ELAVL2: variants seen among roughly 807,000 people sequenced by gnomAD.
ELAVL2 encodes ELAV-like protein 2.
Under a neutral mutation model 34.6 loss-of-function variants are expected in ELAVL2, and 4 were observed. That is an observed-to-expected ratio of 0.12 (90% CI 0.06 to 0.26). The LOEUF is 0.26. Among genes scored for constraint, ELAVL2 ranks in the 10% least tolerant of loss-of-function variants. The pLI, the probability that ELAVL2 is intolerant of heterozygous loss-of-function variation, is 1.00. For missense variants in ELAVL2, 432 were observed against 442.8 expected (o/e 0.98, Z 0.22); for synonymous variants, 193 against 154.8 (o/e 1.25, Z -1.83).
At chr9:23,715,465 T>C (rs1587593371) in intron 3 of ELAVL2, among the ~76,000 whole-genome samples, 1 of 152,226 alleles carries the variant, frequency 6.6e-6, no homozygotes, top group Non-Finnish European at 1.5e-5. Flanking sequence ...TGTTCTGAAG[T>C]ACCTCTCAAG....
upstream of ELAVL2, chr9:23,826,419 T>C (rs1180928765): frequency 6.6e-6 from 1 of 152,350 alleles, no homozygotes; most frequent in Admixed American, 6.5e-5. Flanking sequence ...TCCTGATTGG[T>C]CCACACGCTT....
intron 3 of ELAVL2, among the ~76,000 whole-genome samples, chr9:23,710,988 T>C (rs1051909263): frequency 6.6e-6 from 1 of 152,146 alleles, no homozygotes; most frequent in African/African-American, 2.4e-5. Context: ...GATCTGCTTC[T>C]AAATTCAAAC....
intron 1 of ELAVL2, among the ~76,000 whole-genome samples, chr9:23,808,304 T>G (rs563376208): frequency 5.3e-5 from 8 of 152,232 alleles, no homozygotes; most frequent in African/African-American, 1.9e-4. Flanking sequence ...TAACATAATA[T>G]CTCCTCCAAT....
At chr9:23,839,675 T>C in the ELAVL2 span, among the ~76,000 whole-genome samples, 1 of 152,198 alleles carries the variant, frequency 6.6e-6, no homozygotes, top group South Asian at 2.1e-4. Flanking sequence ...AATCATGCTC[T>C]TCTGTCTCAT....
intron 3 of ELAVL2, among the ~76,000 whole-genome samples, chr9:23,724,210 C>T (rs979510964): frequency 6.6e-6 from 1 of 152,204 alleles, no homozygotes; most frequent in South Asian, 2.1e-4. Flanking sequence ...TCTACCATCA[C>T]TATCCACTGT....
At chr9:23,846,502 C>T in the ELAVL2 span, among the ~76,000 whole-genome samples, 1 of 152,052 alleles carries the variant, frequency 6.6e-6, no homozygotes, top group Middle Eastern at 3.4e-3. Context: ...TAAAATCACT[C>T]TGCTTATTTA....
At chr9:23,764,288 T>C (rs1306263704) in intron 1 of ELAVL2, among the ~76,000 whole-genome samples, 1 of 152,146 alleles carries the variant, frequency 6.6e-6, no homozygotes, top group African/African-American at 2.4e-5. Flanking sequence ...ATACAAAGTG[T>C]TCATTGACTG....
chr9:23,804,033 T>C (rs1344937233), intron 1 of ELAVL2, among the ~76,000 whole-genome samples: 1 of 152,168 alleles, frequency 6.6e-6, no homozygotes, highest in Non-Finnish European at 1.5e-5. Context: ...TCTATTAAAA[T>C]GCTCTGAAAA....
chr9:23,819,376 C>T (rs2064197494), intron 1 of ELAVL2, among the ~76,000 whole-genome samples: 1 of 152,108 alleles, frequency 6.6e-6, no homozygotes, highest in African/African-American at 2.4e-5. Context: ...TATAAAAACA[C>T]ATCTTAGGCC....
intron 1 of ELAVL2, among the ~76,000 whole-genome samples, chr9:23,806,920 T>C (rs532441945): frequency 6.6e-6 from 1 of 152,272 alleles, no homozygotes; most frequent in South Asian, 2.1e-4. Flanking sequence ...TTTACTTCTC[T>C]CCAAATTCCA....
At chr9:23,832,463 T>G in the ELAVL2 span, 2 of 152,192 alleles carry the variant, frequency 1.3e-5, no homozygotes, top group South Asian at 4.1e-4. Context: ...ATTATTTAAA[T>G]AGATTTTTTT....
chr9:23,837,791 G>A, the ELAVL2 span, among the ~76,000 whole-genome samples: 1 of 152,096 alleles, frequency 6.6e-6, no homozygotes, highest in East Asian at 1.9e-4. Context: ...AACAGATAAA[G>A]CTCTACTTTT....
At chr9:23,783,194 A>G (rs1253545780) in intron 1 of ELAVL2, among the ~76,000 whole-genome samples, 1 of 152,230 alleles carries the variant, frequency 6.6e-6, no homozygotes, top group Non-Finnish European at 1.5e-5. Flanking sequence ...ACTTCCAGAT[A>G]AGACATTAAT....
intron 3 of ELAVL2, among the ~76,000 whole-genome samples, chr9:23,725,003 A>T (rs927095968): frequency 6.6e-6 from 1 of 152,166 alleles, no homozygotes; most frequent in Non-Finnish European, 1.5e-5. Flanking sequence ...AAGGTTTTTA[A>T]ATGAGGGGTA....
At position 23,693,440 on chromosome 9, in the gene ELAVL2, A is replaced by G. The variant is rs1387830991; in HGVS notation, c.752+8T>C. On this transcript the variant is annotated splice_region_variant and intron_variant, in intron 6 of 6. Coordinates refer to ENST00000397312, the MANE Select transcript of ELAVL2 (RefSeq NM_004432.5). ...GGGATTATGAGTATCATGAACCTCT[A>G]TCATTACCTCTTTACTCCATAAGCC... is the stretch of plus-strand genomic sequence containing the variant. 6 of 1,613,926 alleles carry G rather than the reference A, an allele frequency of 3.7e-6. No individual in the cohort carries two copies. Among genetic ancestry groups the G allele is most frequent in the Middle Eastern group, 1.6e-4 (1 of 6,080 alleles).
chr9:23,829,652 T>C (rs997505471), upstream of ELAVL2: 1 of 152,192 alleles, frequency 6.6e-6, no homozygotes, highest in Admixed American at 6.5e-5. Flanking sequence ...ATTACTCTTT[T>C]ATTTATTCTT....
intron 1 of ELAVL2, among the ~76,000 whole-genome samples, chr9:23,817,628 CTT>C (rs2063898899): frequency 6.6e-6 from 1 of 152,064 alleles, no homozygotes; most frequent in South Asian, 2.1e-4. Flanking sequence ...CAAGAGTTAC[CTT>C]TTGTTTTGTT....
intron 2 of ELAVL2, among the ~76,000 whole-genome samples, chr9:23,736,519 G>C (rs1156464865): frequency 6.6e-6 from 1 of 152,072 alleles, no homozygotes; most frequent in Non-Finnish European, 1.5e-5. Context: ...AAATACAATG[G>C]TCAGAGCAGG....
At chr9:23,745,958 T>C (rs1468515271) in intron 2 of ELAVL2, among the ~76,000 whole-genome samples, 1 of 152,148 alleles carries the variant, frequency 6.6e-6, no homozygotes, top group East Asian at 1.9e-4. Context: ...TTGTTCTTGC[T>C]CACACTCAGT....
Sources: gnomAD v4.1 joint callset for allele counts (sites outside exome capture counted in the v4.1 genomes callset) on GRCh38, gnomAD v4.1.1 for gene constraint, MANE v1.5 for transcripts, NCBI Gene and HGNC (gene_info 2026-07-23, HGNC 2026-07-21) for gene names.